The following AOPEP variants were observed in gnomAD, a reference collection of about 807,000 sequenced individuals.
AOPEP encodes aminopeptidase O.
In AOPEP, 77 loss-of-function variants were observed where a neutral mutation model predicts 98.1. The ratio of observed to expected loss-of-function variants is 0.78; its 90% CI spans 0.65 to 0.95. The LOEUF (loss-of-function observed/expected upper bound fraction) is 0.95. AOPEP is among the 40% of genes least tolerant of loss of function. The pLI, the probability that AOPEP is intolerant of heterozygous loss-of-function variation, is 0.00. For synonymous variants in AOPEP, 346 were observed against 365.3 expected, an observed-to-expected ratio of 0.95 and a Z score of 0.60; for missense variants, 1,024 against 1,024.7, an observed-to-expected ratio of 1.00 and a Z score of 0.01.
intron 5 of AOPEP, among the ~76,000 whole-genome samples, chr9:94,842,593 GA>G (rs2042402464): frequency 6.6e-6 from 1 of 152,060 alleles, no homozygotes; most frequent in African/African-American, 2.4e-5. Flanking sequence ...CTGAATAACA[GA>G]AAGATAATCT....
rs563217380 is a variant in AOPEP, at chr9:94,933,096, A to G, written c.1661+4565A>G. On this transcript the variant is annotated intron_variant, in intron 7 of 16. Transcript: ENST00000375315. ...CCCTGGGCAGAACTCTTCCCCAGGC[A>G]AAGTCTGATTTCAGTGTTCCTTTCT... is the stretch of plus-strand genomic sequence containing the variant. 3.5e-3 allele frequency: 3,416 copies of G among 985,700 alleles called. 10 individuals carry two copies. The highest frequency in any genetic ancestry group is 3.9e-3 in the Non-Finnish European group (3,263 of 830,078). 61.1% of individuals were successfully genotyped at this position (985,700 alleles called of 1,614,324 possible). A position where few individuals can be genotyped will look rare whatever the true frequency, so the allele number is the denominator to read the frequency against.
chr9:95,130,492 G>A, the AOPEP span, among the ~76,000 whole-genome samples: 1 of 152,124 alleles, frequency 6.6e-6, no homozygotes, highest in African/African-American at 2.4e-5. Flanking sequence ...AGATATATTC[G>A]CCTTAAAAAT....
At chr9:94,835,498 A>G (rs924827114) in intron 5 of AOPEP, among the ~76,000 whole-genome samples, 1 of 151,954 alleles carries the variant, frequency 6.6e-6, no homozygotes, top group Non-Finnish European at 1.5e-5. Flanking sequence ...AATAACCTCT[A>G]TTTTTTTCTC....
At chr9:94,905,617 C>T (rs2051025033) in intron 5 of AOPEP, among the ~76,000 whole-genome samples, 1 of 152,058 alleles carries the variant, frequency 6.6e-6, no homozygotes, top group African/African-American at 2.4e-5. Context: ...TATCATGGAG[C>T]CCTTATTGGA....
chr9:94,976,849 TAG>T (rs2059880318), intron 10 of AOPEP, among the ~76,000 whole-genome samples: 1 of 152,142 alleles, frequency 6.6e-6, no homozygotes, highest in African/African-American at 2.4e-5. Context: ...TTATTTTTAG[TAG>T]AGACAGGGTT....
In AOPEP at chr9:95,036,210, C is replaced by G. The variant is rs535991443; in HGVS notation, c.2116-24484C>G. Among the ~76,000 whole-genome samples the G allele has an allele frequency of 2.7e-4, 41 of 152,268 alleles. 1 individual carries two copies. The highest frequency in any genetic ancestry group is 9.2e-4 in the Admixed American group (14 of 15,296). On this transcript the variant is annotated intron_variant, in intron 13 of 16. Transcript: ENST00000375315. ...TAGGCTTGAGGACAGGTGGAATCTT[C>G]CACTGATCTTGCCTGCTTTCTTAAG...
the AOPEP span, among the ~76,000 whole-genome samples, chr9:95,119,098 T>C: frequency 6.6e-6 from 1 of 152,228 alleles, no homozygotes; most frequent in Non-Finnish European, 1.5e-5. Flanking sequence ...AACATAACCC[T>C]ATGTATGCTT....
intron 5 of AOPEP, among the ~76,000 whole-genome samples, chr9:94,898,612 A>G (rs1337891913): frequency 6.8e-6 from 1 of 147,114 alleles, no homozygotes; most frequent in Non-Finnish European, 1.5e-5. Flanking sequence ...AGCCTGGGCG[A>G]CAGAACAAGA....
intron 13 of AOPEP, among the ~76,000 whole-genome samples, chr9:95,028,404 C>T (rs1318459308): frequency 6.6e-6 from 1 of 152,206 alleles, no homozygotes; most frequent in Non-Finnish European, 1.5e-5. Context: ...CAGTGCATTC[C>T]AGCAGACTGG....
At chr9:94,791,843 G>A (rs1262796306) in intron 3 of AOPEP, among the ~76,000 whole-genome samples, 2 of 152,110 alleles carry the variant, frequency 1.3e-5, no homozygotes, top group Non-Finnish European at 2.9e-5. Flanking sequence ...AAAAAAAGAT[G>A]ATATAAATTC....
chr9:94,902,232 G>T (rs2050513035), intron 5 of AOPEP, among the ~76,000 whole-genome samples: 9 of 152,204 alleles, frequency 5.9e-5, no homozygotes, highest in Admixed American at 5.9e-4. Flanking sequence ...GGTGAGGAAG[G>T]GTTAACAGGG....
At chr9:95,147,457 G>A in the AOPEP span, among the ~76,000 whole-genome samples, 4 of 152,082 alleles carry the variant, frequency 2.6e-5, no homozygotes, top group Non-Finnish European at 5.9e-5. Context: ...CAGAGGTTGC[G>A]GTGAGCCGAG....
chr9:94,765,362 GACA>G (rs1839313183), intron 2 of AOPEP, among the ~76,000 whole-genome samples: 1 of 150,930 alleles, frequency 6.6e-6, no homozygotes, highest in Admixed American at 6.6e-5. Context: ...CACTTTGGAA[GACA>G]GAGGCAGGAG....
At chr9:94,761,164 A>G (rs549713083) in intron 2 of AOPEP, among the ~76,000 whole-genome samples, 1 of 152,302 alleles carries the variant, frequency 6.6e-6, no homozygotes, top group South Asian at 2.1e-4. Flanking sequence ...CAGTCCTCTG[A>G]GACTGCACAC....
chr9:95,123,637 C>A, the AOPEP span: 15 of 613,836 alleles, frequency 2.4e-5, no homozygotes, highest in Non-Finnish European at 4.4e-5. Context: ...TTAACAAATT[C>A]ATCATTGGAA....
chr9:95,067,119 A>G (rs1486954764), intron 14 of AOPEP, among the ~76,000 whole-genome samples: 1 of 151,288 alleles, frequency 6.6e-6, no homozygotes, highest in Non-Finnish European at 1.5e-5. Context: ...GCTTTCATGT[A>G]CACCATCTTT....
chr9:95,114,716 G>A, the AOPEP span: 1 of 1,613,650 alleles, frequency 6.2e-7, no homozygotes, highest in Non-Finnish European at 8.5e-7. Context: ...GATATCTGCG[G>A]GTGGAGAGAG....
At chr9:94,935,121 G>T (rs2056055191) in intron 7 of AOPEP, 1 of 152,158 alleles carries the variant, frequency 6.6e-6, no homozygotes, top group Non-Finnish European at 1.5e-5. Flanking sequence ...TCCCCCCTTG[G>T]TGCTGTGGTC....
At chr9:94,768,500 G>C (rs992566497) in intron 2 of AOPEP, among the ~76,000 whole-genome samples, 2 of 152,232 alleles carry the variant, frequency 1.3e-5, no homozygotes, top group African/African-American at 4.8e-5. Flanking sequence ...GTTAGTCCTA[G>C]CTGACCTCTT....
Sources: gnomAD v4.1 joint callset for allele counts (sites outside exome capture counted in the v4.1 genomes callset) on GRCh38, gnomAD v4.1.1 for gene constraint, MANE v1.5 for transcripts, NCBI Gene and HGNC (gene_info 2026-07-23, HGNC 2026-07-21) for gene names.